TEC: variants seen among roughly 807,000 people sequenced by gnomAD.
The protein encoded by TEC is tyrosine-protein kinase Tec.
A neutral mutation model predicts 93.0 loss-of-function variants in TEC; 72 were observed. The ratio of observed to expected loss-of-function variants is 0.77; its 90% CI spans 0.64 to 0.94. TEC has a LOEUF of 0.94. Among genes scored for constraint, TEC ranks in the 40% least tolerant of loss-of-function variants. The pLI is 0.00. For missense variants in TEC, 630 were observed against 757.9 expected (o/e 0.83, Z 1.98); for synonymous variants, 249 against 247.7 (o/e 1.01, Z -0.05).
intron 2 of TEC, among the ~76,000 whole-genome samples, chr4:48,201,852 C>G (rs1016951371): frequency 6.6e-6 from 1 of 152,064 alleles, no homozygotes; most frequent in African/African-American, 2.4e-5. Flanking sequence ...CCCTTTCTCC[C>G]CAGAGAACCA....
At chr4:48,153,177 T>A (rs1720247480) in intron 9 of TEC, among the ~76,000 whole-genome samples, 1 of 151,738 alleles carries the variant, frequency 6.6e-6, no homozygotes, top group Non-Finnish European at 1.5e-5. Flanking sequence ...AAAGACATTA[T>A]GTAATATCAA....
chr4:48,267,879 G>C (rs141415704), intron 1 of TEC, among the ~76,000 whole-genome samples: 1 of 152,368 alleles, frequency 6.6e-6, no homozygotes, highest in Non-Finnish European at 1.5e-5. Flanking sequence ...GCAGGGAGGA[G>C]AGGCACCAAC....
At chr4:48,245,717 A>T (rs1371063106) in intron 1 of TEC, among the ~76,000 whole-genome samples, 2 of 152,206 alleles carry the variant, frequency 1.3e-5, no homozygotes, top group African/African-American at 4.8e-5. Flanking sequence ...TTATAAACAT[A>T]ATAATAACAC....
intron 2 of TEC, among the ~76,000 whole-genome samples, chr4:48,176,998 C>T (rs533802992): frequency 1.3e-5 from 2 of 152,252 alleles, no homozygotes; most frequent in African/African-American, 4.8e-5. Flanking sequence ...AGAAAGCTTC[C>T]ATTCAGAGTC....
chr4:48,215,832 T>C (rs1056996623), intron 2 of TEC, among the ~76,000 whole-genome samples: 1 of 152,172 alleles, frequency 6.6e-6, no homozygotes, highest in African/African-American at 2.4e-5. Flanking sequence ...TTTCCAGAAC[T>C]AAGGCAGTGC....
At chr4:48,258,145 G>GTTTTTTTTTTTTTTTTTTGTTT (rs56341256) in intron 1 of TEC, among the ~76,000 whole-genome samples, 1 of 139,932 alleles carries the variant, frequency 7.1e-6, no homozygotes, top group Non-Finnish European at 1.5e-5. Context: ...TGTTTTTTTG[G>GTTTTTTTTTTTTTTTTTTGTTT]TTTTTTTTTT....
At chr4:48,261,779 G>A (rs529263002) in intron 1 of TEC, among the ~76,000 whole-genome samples, 1 of 152,168 alleles carries the variant, frequency 6.6e-6, no homozygotes, top group Non-Finnish European at 1.5e-5. Flanking sequence ...AAGGTTAAAA[G>A]CTTTAACCTT....
At chr4:48,193,570 GAT>G (rs1722168858) in intron 2 of TEC, among the ~76,000 whole-genome samples, 1 of 152,140 alleles carries the variant, frequency 6.6e-6, no homozygotes, top group Non-Finnish European at 1.5e-5. Flanking sequence ...GTTATCATTG[GAT>G]ATGTTAGTGA....
chr4:48,200,382 A>C (rs1002553611), intron 2 of TEC, among the ~76,000 whole-genome samples: 2 of 152,210 alleles, frequency 1.3e-5, no homozygotes, highest in African/African-American at 4.8e-5. Context: ...TTTGAGATTA[A>C]AATTGGGATA....
intron 7 of TEC, among the ~76,000 whole-genome samples, 186 bp downstream of exon 7, chr4:48,167,592 A>T (rs952906462): frequency 1.3e-5 from 2 of 152,152 alleles, no homozygotes; most frequent in Non-Finnish European, 2.9e-5. Context: ...GAAGTGATTG[A>T]TCAATTCGCA....
intron 2 of TEC, among the ~76,000 whole-genome samples, chr4:48,214,681 A>C (rs1375919311): frequency 1.3e-5 from 2 of 151,962 alleles, no homozygotes; most frequent in African/African-American, 4.8e-5. Flanking sequence ...GCAAAACCCC[A>C]TCTCTACTAA....
rs770359864 is a variant in TEC at position 48,171,405 on chromosome 4, T to C, written c.288A>G (p.Pro96=). The C allele has an allele frequency of 1.2e-5, 20 of 1,613,682 alleles. No individual in the cohort carries two copies. The highest frequency in any genetic ancestry group is 2.2e-5 in the East Asian group (1 of 44,862). Residue 96 remains proline, a synonymous_variant, in exon 4 of 18, where the codon CCA becomes CCG. Coordinates refer to ENST00000381501, the MANE Select transcript of TEC (RefSeq NM_003215.3). ...ANTLYIFAPS[P]QSRDLWVKKL... is the part of the protein sequence containing the mutation. The stretch of plus-strand genomic sequence containing the variant: ...TCTTCACCCACAGGTCCCTGCTTTG[T>C]GGACTAGGTGCAAAAATGTAAAGTG...
At chr4:48,214,885 G>C (rs1472043622) in intron 2 of TEC, among the ~76,000 whole-genome samples, 1 of 152,026 alleles carries the variant, frequency 6.6e-6, no homozygotes, top group African/African-American at 2.4e-5. Flanking sequence ...GGGCACAGTG[G>C]CTCACTCCTG....
intron 2 of TEC, among the ~76,000 whole-genome samples, chr4:48,204,243 T>A (rs1410392829): frequency 6.6e-6 from 1 of 152,214 alleles, no homozygotes; most frequent in Non-Finnish European, 1.5e-5. Context: ...GCTGAACACC[T>A]GCTTGCCTTC....
chr4:48,199,795 C>T (rs1722439945), intron 2 of TEC, among the ~76,000 whole-genome samples: 1 of 152,066 alleles, frequency 6.6e-6, no homozygotes, highest in South Asian at 2.1e-4. Context: ...TATTTTGAAA[C>T]TTAACAACCA....
chr4:48,204,580 C>T (rs555971507), intron 2 of TEC, among the ~76,000 whole-genome samples: 5 of 152,306 alleles, frequency 3.3e-5, no homozygotes, highest in South Asian at 2.1e-4. Context: ...CAATCTGCAA[C>T]GCTTTTTGGC....
intron 1 of TEC, among the ~76,000 whole-genome samples, chr4:48,243,967 T>TA (rs11386785): frequency 0.58 from 76,536 of 132,478 alleles, 21,149 homozygotes; most frequent in African/African-American, 0.6. Flanking sequence ...AAAGTATAAT[T>TA]AAAAAAAAAA....
intron 2 of TEC, among the ~76,000 whole-genome samples, chr4:48,179,048 C>T (rs948313457): frequency 6.6e-6 from 1 of 152,198 alleles, no homozygotes; most frequent in African/African-American, 2.4e-5. Flanking sequence ...GTGGCCCTGA[C>T]TTTGGGTTGT....
chr4:48,253,453 TC>T (rs1724261456), intron 1 of TEC, among the ~76,000 whole-genome samples: 1 of 152,166 alleles, frequency 6.6e-6, no homozygotes, highest in South Asian at 2.1e-4. Flanking sequence ...AAAGTTTTCA[TC>T]CTGTCATTTA....
Sources: allele counts gnomAD v4.1 joint callset (sites outside exome capture counted in the v4.1 genomes callset), GRCh38; gene constraint gnomAD v4.1.1; transcripts MANE v1.5; gene names NCBI Gene and HGNC (gene_info 2026-07-23, HGNC 2026-07-21).